The following PDE8B variants were observed in gnomAD, a reference collection of about 807,000 sequenced individuals.
PDE8B encodes the protein phosphodiesterase 8B.
In PDE8B, 26 loss-of-function variants were observed where a neutral mutation model predicts 101.3. That is an observed-to-expected ratio of 0.26 (90% CI 0.19 to 0.36). The LOEUF (loss-of-function observed/expected upper bound fraction) is 0.36. Ranked by LOEUF, PDE8B falls within the 10% of genes least tolerant of loss-of-function variation. The pLI, the probability that PDE8B is intolerant of heterozygous loss-of-function variation, is 1.00. For synonymous variants in PDE8B, 424 were observed against 429.3 expected, an observed-to-expected ratio of 0.99 and a Z score of 0.15; for missense variants, 810 against 1,163.1, an observed-to-expected ratio of 0.70 and a Z score of 4.42.
intron 7 of PDE8B, among the ~76,000 whole-genome samples, chr5:77,348,453 C>G (rs1780527972): frequency 6.6e-6 from 1 of 152,088 alleles, no homozygotes; most frequent in Admixed American, 6.5e-5. Context: ...TCTGCTGGCC[C>G]CAGAATCTGC....
At chr5:77,343,427 A>G (rs939744989) in intron 6 of PDE8B, among the ~76,000 whole-genome samples, 1 of 152,236 alleles carries the variant, frequency 6.6e-6, no homozygotes, top group Non-Finnish European at 1.5e-5. Flanking sequence ...ACTGTACTGA[A>G]TACTGTAAAT....
intron 10 of PDE8B, among the ~76,000 whole-genome samples, chr5:77,385,932 G>A (rs1297676413): frequency 1.3e-5 from 2 of 151,596 alleles, no homozygotes; most frequent in South Asian, 2.1e-4. Context: ...GGGATTACAG[G>A]TGTGCATCAC....
At chr5:77,397,834 G>A (rs1209293233) in intron 10 of PDE8B, among the ~76,000 whole-genome samples, 1 of 152,064 alleles carries the variant, frequency 6.6e-6, no homozygotes, top group Non-Finnish European at 1.5e-5. Flanking sequence ...TAACAATATA[G>A]CTGTTGCCCG....
Position 77,408,774 on chromosome 5 carries a change from T to C in PDE8B, c.1366-119T>C, listed in dbSNP as rs1793992800. The stretch of plus-strand genomic sequence containing the variant: ...AAGAAGGGCGGTGCCGTGAAAGCAC[T>C]GGTCATTTTGAATAAGAGATGGTTA... On this transcript the variant is annotated intron_variant, in intron 13 of 21. Coordinates refer to ENST00000264917, the MANE Select transcript of PDE8B (RefSeq NM_003719.5). 9 of 832,292 alleles carry C rather than the reference T, an allele frequency of 1.1e-5. No homozygotes were observed. In the Admixed American group the frequency reaches 1.6e-4, roughly 15 times the overall value. 51.6% of individuals were successfully genotyped at this position (832,292 alleles called of 1,614,324 possible).
chr5:77,349,383 T>C (rs1342394527), intron 7 of PDE8B, 36 bp from the exon 8 acceptor site: 1 of 1,613,182 alleles, frequency 6.2e-7, no homozygotes, highest in Non-Finnish European at 8.5e-7. Context: ...CTGTCTTGTG[T>C]CCCCGCACTG....
chr5:77,236,512 A>C (rs1307952535), intron 1 of PDE8B, among the ~76,000 whole-genome samples: 2 of 152,198 alleles, frequency 1.3e-5, no homozygotes, highest in Non-Finnish European at 2.9e-5. Context: ...CCAAGTGGAA[A>C]AAGTGTTTTG....
intron 10 of PDE8B, among the ~76,000 whole-genome samples, chr5:77,378,049 C>CACACACACACACACACACACACACAT (rs1554093056): frequency 2.7e-4 from 40 of 148,482 alleles, no homozygotes; most frequent in African/African-American, 8.8e-4. Context: ...CACACACACA[C>CACACACACACACACACACACACACAT]CCCCTGTTGG....
At chr5:77,100,623 T>G in the PDE8B span, among the ~76,000 whole-genome samples, 35,025 of 152,112 alleles carry the variant, frequency 0.23, 4,558 homozygotes, top group Admixed American at 0.35. Context: ...CAGAGAGCCT[T>G]GTCTCCAGGG....
chr5:77,375,719 C>T (rs7732963), intron 10 of PDE8B, among the ~76,000 whole-genome samples: 10,433 of 152,032 alleles, frequency 0.069, 552 homozygotes, highest in African/African-American at 0.14. Flanking sequence ...TAGTAAGTGG[C>T]GCTCAGCGTG....
chr5:77,422,439 A>G (rs370196725), intron 20 of PDE8B, among the ~76,000 whole-genome samples: 5 of 152,190 alleles, frequency 3.3e-5, no homozygotes, highest in African/African-American at 9.6e-5. Flanking sequence ...ATCTCAAGGA[A>G]GTTTATGTTA....
chr5:77,133,340 G>A, the PDE8B span, among the ~76,000 whole-genome samples: 142 of 152,304 alleles, frequency 9.3e-4, no homozygotes, highest in African/African-American at 3.2e-3. Context: ...GCACAGTGGA[G>A]CCCAGCTTGG....
chr5:77,222,786 T>C (rs1044088362), intron 1 of PDE8B, among the ~76,000 whole-genome samples: 1 of 152,116 alleles, frequency 6.6e-6, no homozygotes, highest in African/African-American at 2.4e-5. Context: ...GTAAGTCAGC[T>C]GAAGACTGTA....
chr5:77,338,273 C>T (rs1261418399), intron 6 of PDE8B, among the ~76,000 whole-genome samples: 1 of 152,194 alleles, frequency 6.6e-6, no homozygotes, highest in African/African-American at 2.4e-5. Context: ...CCTTTTCAAA[C>T]TTAATTATCC....
the PDE8B span, among the ~76,000 whole-genome samples, chr5:77,089,918 G>T: frequency 2.0e-4 from 30 of 152,198 alleles, no homozygotes; most frequent in South Asian, 3.5e-3. Flanking sequence ...GATCAGTAAA[G>T]AAAATATGAT....
the PDE8B span, chr5:77,141,995 G>A: frequency 6.6e-6 from 1 of 152,052 alleles, no homozygotes; most frequent in Non-Finnish European, 1.5e-5. Context: ...GTAACATAAT[G>A]TAAAGAAAAG....
intron 1 of PDE8B, among the ~76,000 whole-genome samples, chr5:77,213,736 C>T (rs938067106): frequency 6.6e-6 from 1 of 151,692 alleles, no homozygotes; most frequent in African/African-American, 2.4e-5. Context: ...CATTTTACAT[C>T]AATTATGAAG....
the PDE8B span, among the ~76,000 whole-genome samples, chr5:77,116,437 T>A: frequency 4.6e-5 from 7 of 152,006 alleles, no homozygotes; most frequent in Non-Finnish European, 2.9e-5. Context: ...AGATGGAGTT[T>A]CACCATGTCG....
intron 4 of PDE8B, among the ~76,000 whole-genome samples, chr5:77,329,503 A>C (rs1776703980): frequency 6.6e-6 from 1 of 152,146 alleles, no homozygotes; most frequent in African/African-American, 2.4e-5. Flanking sequence ...AAGGGTTGTG[A>C]AATTGATGTT....
At chr5:77,161,803 T>C in the PDE8B span, among the ~76,000 whole-genome samples, 1 of 152,148 alleles carries the variant, frequency 6.6e-6, no homozygotes, top group Non-Finnish European at 1.5e-5. Flanking sequence ...ATGTTTAATA[T>C]TCGCCATTCT....
Sources: allele counts gnomAD v4.1 joint callset (sites outside exome capture counted in the v4.1 genomes callset), GRCh38; gene constraint gnomAD v4.1.1; transcripts MANE v1.5; gene names NCBI Gene and HGNC (gene_info 2026-07-23, HGNC 2026-07-21).